Variants in SUPT3H observed in about 807,000 individuals in gnomAD.
SUPT3H encodes the protein SPT3 homolog, SAGA and STAGA complex component, also known as transcription initiation protein SPT3 homolog.
SUPT3H carries 44 observed loss-of-function variants against 44.3 expected under a neutral mutation model. The observed-to-expected ratio is 0.99, with a 90% CI of 0.78 to 1.28. The LOEUF (loss-of-function observed/expected upper bound fraction) is 1.28, where lower values mean the gene tolerates loss of function less well. SUPT3H is among the 50% of genes most tolerant of loss of function. SUPT3H has a pLI of 0.00. For missense variants in SUPT3H, 380 were observed against 387.1 expected (o/e 0.98, Z 0.15); for synonymous variants, 124 against 125.6 (o/e 0.99, Z 0.09).
chr6:45,300,033 C>G (rs1439248691), intron 2 of SUPT3H, among the ~76,000 whole-genome samples: 1 of 151,982 alleles, frequency 6.6e-6, no homozygotes, highest in African/African-American at 2.4e-5. Context: ...TAATTAATAG[C>G]AGGCACTGAA....
intron 2 of SUPT3H, among the ~76,000 whole-genome samples, chr6:45,126,767 G>C (rs772003979): frequency 4.6e-5 from 7 of 152,132 alleles, no homozygotes; most frequent in African/African-American, 7.2e-5. Flanking sequence ...AATAGGTACT[G>C]TATATCTTTT....
intron 6 of SUPT3H, among the ~76,000 whole-genome samples, chr6:44,993,574 C>T (rs1166370569): frequency 6.6e-6 from 1 of 152,070 alleles, no homozygotes; most frequent in Non-Finnish European, 1.5e-5. Context: ...TAAAAAGTCA[C>T]AGACGGAAAT....
At chr6:45,243,197 C>CAAAAAAAAAAAAAAAAAA (rs61643038) in intron 2 of SUPT3H, among the ~76,000 whole-genome samples, 1 of 72,564 alleles carries the variant, frequency 1.4e-5, no homozygotes, top group Non-Finnish European at 2.2e-5. Context: ...GACTCCTTCT[C>CAAAAAAAAAAAAAAAAAA]AAAAAAAAAA....
chr6:45,337,250 A>C (rs764860057), intron 2 of SUPT3H, among the ~76,000 whole-genome samples: 2 of 151,698 alleles, frequency 1.3e-5, no homozygotes, highest in Non-Finnish European at 3.0e-5. Flanking sequence ...TTGCAATTAT[A>C]ATGTGTGATA....
rs566131491 is a variant in SUPT3H at position 45,160,606 on chromosome 6, A to C, written c.102-54600T>G. Among the ~76,000 whole-genome samples the C allele has an allele frequency of 1.6e-4, 24 of 151,834 alleles. No individual in the cohort carries two copies. The South Asian group carries it at 4.4e-3, about 28-fold the overall frequency. On this transcript the variant is annotated intron_variant, in intron 2 of 10. Coordinates refer to ENST00000371459, the MANE Select transcript of SUPT3H (RefSeq NM_003599.4). ...TCCAAAAGGCCTGAAATGCATACTGAATTGAAACAAAAAAAAAATCCATAA... is the reference window on the plus strand; with the variant it reads ...TCCAAAAGGCCTGAAATGCATACTGCATTGAAACAAAAAAAAAATCCATAA...
intron 1 of SUPT3H, among the ~76,000 whole-genome samples, chr6:45,377,082 T>G (rs901757461): frequency 6.8e-6 from 1 of 146,052 alleles, no homozygotes; most frequent in Non-Finnish European, 1.6e-5. Flanking sequence ...AGTGTCCTGA[T>G]TCTCTGAGAA....
At chr6:44,995,022 C>T (rs1781084909) in intron 6 of SUPT3H, among the ~76,000 whole-genome samples, 1 of 151,692 alleles carries the variant, frequency 6.6e-6, no homozygotes, top group South Asian at 2.1e-4. Context: ...TGAAGATGGT[C>T]TGTATGACAC....
At chr6:44,974,843 T>A (rs981720595) in intron 6 of SUPT3H, among the ~76,000 whole-genome samples, 1 of 152,112 alleles carries the variant, frequency 6.6e-6, no homozygotes, top group African/African-American at 2.4e-5. Context: ...CTATACCCTA[T>A]GTGAAAGCTA....
chr6:44,904,157 C>T (rs1306840606), intron 10 of SUPT3H, among the ~76,000 whole-genome samples: 1 of 152,164 alleles, frequency 6.6e-6, no homozygotes, highest in African/African-American at 2.4e-5. Context: ...TCCTATTCAA[C>T]ATAGTGTTGG....
At chr6:45,230,441 A>T (rs1767748236) in intron 2 of SUPT3H, among the ~76,000 whole-genome samples, 1 of 151,612 alleles carries the variant, frequency 6.6e-6, no homozygotes, top group African/African-American at 2.4e-5. Flanking sequence ...AACAATTGTT[A>T]TATGAATTCT....
intron 2 of SUPT3H, among the ~76,000 whole-genome samples, chr6:45,293,117 C>G (rs1158241009): frequency 6.6e-6 from 1 of 151,964 alleles, no homozygotes; most frequent in Non-Finnish European, 1.5e-5. Flanking sequence ...TTTAAGAAAA[C>G]TGAAATTATA....
At position 45,047,066 on chromosome 6, in the gene SUPT3H, C is replaced by T. The variant is rs73737860; in HGVS notation, c.187-26434G>A. 3.9e-3 allele frequency among the ~76,000 whole-genome samples: 597 copies of T among 152,248 alleles called. 7 individuals are homozygous for T. The highest frequency in any genetic ancestry group is 0.014 in the African/African-American group (569 of 41,550). On this transcript the variant is annotated intron_variant, in intron 3 of 10. Transcript: ENST00000371459. ...GATTAACATTGTATCTTTGACCTTG[C>T]TAAATTCATTTATTAATTCTAGAAA...
intron 9 of SUPT3H, among the ~76,000 whole-genome samples, chr6:44,944,477 CG>C (rs968832706): frequency 9.2e-5 from 14 of 151,684 alleles, no homozygotes; most frequent in African/African-American, 3.4e-4. Context: ...AGATACAGAT[CG>C]GGGGAGGGCA....
At chr6:45,161,547 T>C (rs1053090853) in intron 2 of SUPT3H, among the ~76,000 whole-genome samples, 4 of 152,154 alleles carry the variant, frequency 2.6e-5, no homozygotes, top group Admixed American at 2.0e-4. Flanking sequence ...ACTGCATTTT[T>C]TTCAAAAGCA....
chr6:45,284,309 G>GT (rs200978130), intron 2 of SUPT3H, among the ~76,000 whole-genome samples: 20,091 of 151,684 alleles, frequency 0.13, 1,537 homozygotes, highest in East Asian at 0.26. Context: ...CCAGGAGCTG[G>GT]TTTTTTTTGA....
chr6:45,014,983 G>A, intron 4 of SUPT3H, 92 bp from the exon 5 acceptor site: 1 of 647,318 alleles, frequency 1.5e-6, no homozygotes, highest in South Asian at 4.0e-5. Context: ...TAATAAACTT[G>A]TACCCCATGA....
intron 7 of SUPT3H, among the ~76,000 whole-genome samples, chr6:44,957,712 C>T (rs1775422496): frequency 6.6e-6 from 1 of 151,324 alleles, no homozygotes; most frequent in Non-Finnish European, 1.5e-5. Context: ...CAACTGTATC[C>T]CTAGCACCTA....
intron 10 of SUPT3H, among the ~76,000 whole-genome samples, chr6:44,849,220 C>CTT (rs143665414): frequency 1.0e-3 from 99 of 96,612 alleles, no homozygotes; most frequent in African/African-American, 3.2e-3. Flanking sequence ...CAAATGAATA[C>CTT]TTTTTTTTTT....
rs184713564 is a variant in SUPT3H at position 45,281,484 on chromosome 6, T to C, written c.101+83717A>G. On this transcript the variant is annotated intron_variant, in intron 2 of 10. Transcript: ENST00000371459. ...CAGAGGGTCCTGTGCCCACAAAGCC[T>C]CGCTCATTGCTAGCACAGCAGTCTG... Among the ~76,000 whole-genome samples the C allele has an allele frequency of 2.2e-4, 33 of 152,244 alleles. No homozygotes were observed. In the East Asian group the frequency reaches 3.5e-3, roughly 16 times the overall value.
Sources: allele counts gnomAD v4.1 joint callset (sites outside exome capture counted in the v4.1 genomes callset), GRCh38; gene constraint gnomAD v4.1.1; transcripts MANE v1.5; gene names NCBI Gene and HGNC (gene_info 2026-07-23, HGNC 2026-07-21).